NFATC1: variants seen among roughly 807,000 people sequenced by gnomAD.
NFATC1 encodes nuclear factor of activated T-cells, cytoplasmic 1.
A neutral mutation model predicts 76.0 loss-of-function variants in NFATC1; 22 were observed. The ratio of observed to expected loss-of-function variants is 0.29; its 90% CI spans 0.21 to 0.41. NFATC1 has a LOEUF of 0.41. Ranked by LOEUF, NFATC1 falls within the 10% of genes least tolerant of loss-of-function variation. The pLI is 1.00. For synonymous variants in NFATC1, 704 were observed against 613.1 expected (o/e 1.15, Z -2.19); for missense variants, 1,357 against 1,337.7 (o/e 1.01, Z -0.23).
rs1108411 is a variant in NFATC1 at position 79,508,236 on chromosome 18, G to T, written c.2783-19292G>T. Reference sequence around the variant, plus strand: ...AAAAAAGGTGGAGGGAGGGAGGGACGGACGGACGGAGGGCGCCTGGTGGGA... The same window carrying T: ...AAAAAAGGTGGAGGGAGGGAGGGACTGACGGACGGAGGGCGCCTGGTGGGA... On this transcript the variant is annotated intron_variant, in intron 9 of 9. Coordinates refer to ENST00000427363, the MANE Select transcript of NFATC1 (RefSeq NM_001278669.2). Among the ~76,000 whole-genome samples, 1,491 of 152,228 alleles carry T rather than the reference G, an allele frequency of 9.8e-3. 9 individuals carry two copies. The highest frequency in any genetic ancestry group is 0.02 in the Middle Eastern group (6 of 294).
At chr18:79,491,830 C>T (rs1033383201) in intron 9 of NFATC1, among the ~76,000 whole-genome samples, 3 of 152,064 alleles carry the variant, frequency 2.0e-5, no homozygotes, top group Non-Finnish European at 4.4e-5. Context: ...GCCGGGGACT[C>T]AGCCCCGGCC....
intron 9 of NFATC1, among the ~76,000 whole-genome samples, chr18:79,499,349 G>A (rs1196579569): frequency 9.9e-6 from 1 of 101,266 alleles, no homozygotes; most frequent in Non-Finnish European, 2.9e-5. Context: ...GTGTGTGAGT[G>A]TGTCACACAC....
chr18:79,481,249 G>T (rs1168525208), intron 8 of NFATC1, among the ~76,000 whole-genome samples: 1 of 152,236 alleles, frequency 6.6e-6, no homozygotes, highest in Non-Finnish European at 1.5e-5. Context: ...AGGCCCAGCT[G>T]CGTCCGCAGA....
chr18:79,402,867 G>A (rs754972514), intron 1 of NFATC1, among the ~76,000 whole-genome samples: 3 of 152,170 alleles, frequency 2.0e-5, no homozygotes, highest in Non-Finnish European at 2.9e-5. Context: ...AGCTTTTGAC[G>A]GGTGATAGAA....
intron 8 of NFATC1, among the ~76,000 whole-genome samples, chr18:79,485,608 T>G (rs2089470269): frequency 6.6e-6 from 1 of 152,206 alleles, no homozygotes; most frequent in Non-Finnish European, 1.5e-5. Context: ...CCCCGGACTT[T>G]TAGGGAGGGC....
intron 9 of NFATC1, among the ~76,000 whole-genome samples, chr18:79,510,957 C>T (rs532552965): frequency 3.5e-4 from 53 of 152,320 alleles, no homozygotes; most frequent in Non-Finnish European, 4.1e-4. Context: ...CATCGTTCGC[C>T]GGTCTTGTCG....
chr18:79,409,530 ATCCATCC>A (rs1325164887), intron 1 of NFATC1, among the ~76,000 whole-genome samples: 1 of 150,060 alleles, frequency 6.7e-6, no homozygotes, highest in African/African-American at 2.5e-5. Flanking sequence ...TCCATCCATC[ATCCATCC>A]ATTCATCCAC....
intron 9 of NFATC1, among the ~76,000 whole-genome samples, chr18:79,498,578 T>C (rs1600934010): frequency 6.6e-6 from 1 of 151,892 alleles, no homozygotes; most frequent in African/African-American, 2.4e-5. Flanking sequence ...GCATAATGAG[T>C]TATAGAAAGA....
rs541152820 is a variant in NFATC1 at position 79,426,437 on chromosome 18, C to T, written c.1227-7142C>T. 3.9e-5 allele frequency among the ~76,000 whole-genome samples: 6 copies of T among 152,278 alleles called. No individual in the cohort carries two copies. The South Asian group carries it at 1.2e-3, about 32-fold the overall frequency. ...ACTGTCCTCCATGCCACGTCCCATGCCGCTTCCACCGCAGCGTGAGGACAG... is the reference window on the plus strand; with the variant it reads ...ACTGTCCTCCATGCCACGTCCCATGTCGCTTCCACCGCAGCGTGAGGACAG... On this transcript the variant is annotated intron_variant, in intron 2 of 9. Transcript: ENST00000427363.
At chr18:79,522,461 G>A (rs1219933607) in intron 9 of NFATC1, among the ~76,000 whole-genome samples, 6 of 117,090 alleles carry the variant, frequency 5.1e-5, no homozygotes, top group South Asian at 3.1e-4. Flanking sequence ...GGGGGGGTGC[G>A]TCTACTGATG....
At chr18:79,396,921 G>T (rs1344694486) in intron 1 of NFATC1, among the ~76,000 whole-genome samples, 1 of 152,162 alleles carries the variant, frequency 6.6e-6, no homozygotes, top group Non-Finnish European at 1.5e-5. Context: ...AAGCGCGGCC[G>T]CAGCACAGCC....
intron 9 of NFATC1, among the ~76,000 whole-genome samples, chr18:79,526,911 G>C (rs1340084418): frequency 6.6e-6 from 1 of 152,240 alleles, no homozygotes; most frequent in East Asian, 1.9e-4. Flanking sequence ...CTGGGAGGGA[G>C]ATGGGACGTG....
intron 9 of NFATC1, among the ~76,000 whole-genome samples, chr18:79,488,523 A>G (rs1225185875): frequency 1.3e-5 from 2 of 152,094 alleles, no homozygotes; most frequent in East Asian, 3.9e-4. Context: ...GGGCCAGGAC[A>G]GTGTTCCGTG....
intron 7 of NFATC1, among the ~76,000 whole-genome samples, chr18:79,462,466 G>A (rs1158218459): frequency 2.0e-5 from 3 of 152,070 alleles, no homozygotes; most frequent in South Asian, 2.1e-4. Context: ...CACCACGCCC[G>A]GCTAATTTTG....
At chr18:79,451,313 G>A (rs961028234) in intron 5 of NFATC1, among the ~76,000 whole-genome samples, 187 bp downstream of exon 5, 2 of 152,236 alleles carry the variant, frequency 1.3e-5, no homozygotes, top group Non-Finnish European at 2.9e-5. Flanking sequence ...GTGGCCTCCC[G>A]GGGGCCCCTG....
chr18:79,446,139 G>A (rs1363056702), intron 3 of NFATC1, among the ~76,000 whole-genome samples: 1 of 152,214 alleles, frequency 6.6e-6, no homozygotes, highest in Non-Finnish European at 1.5e-5. Context: ...AGCCCATGCA[G>A]TGGGGCCCGT....
intron 8 of NFATC1, among the ~76,000 whole-genome samples, chr18:79,472,151 T>TG (rs377581381): frequency 3.3e-5 from 5 of 149,622 alleles, no homozygotes; most frequent in African/African-American, 1.2e-4. Context: ...GTGTGAGCCG[T>TG]GGGGGGGCGG....
chr18:79,463,880 C>A (rs1021726702), intron 7 of NFATC1, among the ~76,000 whole-genome samples: 3 of 148,602 alleles, frequency 2.0e-5, no homozygotes, highest in African/African-American at 7.8e-5. Flanking sequence ...CCTGCCCTGT[C>A]CCCCTAGGCA....
intron 9 of NFATC1, among the ~76,000 whole-genome samples, chr18:79,526,210 G>A (rs2090759197): frequency 6.6e-6 from 1 of 152,262 alleles, no homozygotes; most frequent in African/African-American, 2.4e-5. Flanking sequence ...AGCAGCCTGC[G>A]AGCACCTGGG....
Sources: gnomAD v4.1 joint callset for allele counts (sites outside exome capture counted in the v4.1 genomes callset) on GRCh38, gnomAD v4.1.1 for gene constraint, MANE v1.5 for transcripts, NCBI Gene and HGNC (gene_info 2026-07-23, HGNC 2026-07-21) for gene names.